Variants in ILRUN observed in about 807,000 individuals in gnomAD.
ILRUN encodes the protein protein ILRUN.
A neutral mutation model predicts 33.8 loss-of-function variants in ILRUN; 3 were observed. The ratio of observed to expected loss-of-function variants is 0.09; its 90% confidence interval spans 0.04 to 0.23. ILRUN has a LOEUF of 0.23. Ranked by LOEUF, ILRUN falls within the 10% of genes least tolerant of loss-of-function variation. ILRUN has a pLI of 1.00. For missense variants in ILRUN, 210 were observed against 375.1 expected (o/e 0.56, Z 3.64); for synonymous variants, 124 against 138.9 (o/e 0.89, Z 0.75).
chr6:34,674,040 T>A (rs895276693), intron 1 of ILRUN, among the ~76,000 whole-genome samples: 5 of 152,146 alleles, frequency 3.3e-5, no homozygotes, highest in African/African-American at 4.8e-5. Context: ...CCAAATCTTT[T>A]TTTTTGAAAC....
intron 1 of ILRUN, among the ~76,000 whole-genome samples, chr6:34,676,956 C>T (rs1763246628): frequency 6.7e-6 from 1 of 149,616 alleles, no homozygotes; most frequent in African/African-American, 2.5e-5. Context: ...TTCCGCTTCT[C>T]GGAATTTGCC....
At chr6:34,615,271 A>G (rs1270177772) in intron 3 of ILRUN, among the ~76,000 whole-genome samples, 1 of 152,234 alleles carries the variant, frequency 6.6e-6, no homozygotes, top group Admixed American at 6.5e-5. Context: ...GTACAGTATT[A>G]GAAAATCATA....
rs967368597 is a variant in ILRUN at position 34,646,757 on chromosome 6, C to T, written c.355G>A (p.Gly119Arg). ...WPPGVCLKYV[G>R]GDQFGHVNMV... The stretch of plus-strand genomic sequence containing the variant: ...TTCACATGTCCAAATTGGTCTCCCC[C>T]GACATATTTAAGACAAACCCCTGGA... Residue 119 changes from glycine to arginine, a missense_variant, in exon 3 of 5, where the codon GGG becomes AGG. Coordinates refer to ENST00000374023, the MANE Select transcript of ILRUN (RefSeq NM_024294.4). The surrounding 1 kb of genome is among the most constrained non-coding windows in gnomAD (Gnocchi z 4.9). 2 of 1,613,994 alleles carry T rather than the reference C, an allele frequency of 1.2e-6. No homozygotes were observed. The highest frequency in any genetic ancestry group is 1.7e-6 in the Non-Finnish European group (2 of 1,180,020).
intron 3 of ILRUN, among the ~76,000 whole-genome samples, chr6:34,625,281 C>T (rs951205914): frequency 2.6e-5 from 4 of 152,152 alleles, no homozygotes; most frequent in Non-Finnish European, 4.4e-5. Context: ...CTCCACCACA[C>T]GCCCTTCATG....
At chr6:34,673,951 C>A (rs1763173749) in intron 1 of ILRUN, among the ~76,000 whole-genome samples, 1 of 140,992 alleles carries the variant, frequency 7.1e-6, no homozygotes. Flanking sequence ...ACTGATTTAG[C>A]CAAATTACAA....
chr6:34,661,069 T>C (rs911927861), intron 1 of ILRUN, among the ~76,000 whole-genome samples: 2 of 152,232 alleles, frequency 1.3e-5, no homozygotes, highest in African/African-American at 4.8e-5. Context: ...TGGCTATTTA[T>C]TGATCCATTA....
intron 3 of ILRUN, among the ~76,000 whole-genome samples, chr6:34,617,452 A>T (rs936808048): frequency 6.6e-6 from 1 of 152,150 alleles, no homozygotes; most frequent in African/African-American, 2.4e-5. Flanking sequence ...TGATCTGTCT[A>T]GTCTCAACTT....
chr6:34,609,205 C>T (rs1331503843), intron 3 of ILRUN, among the ~76,000 whole-genome samples: 1 of 152,156 alleles, frequency 6.6e-6, no homozygotes, highest in African/African-American at 2.4e-5. Flanking sequence ...AGAAGGCAGC[C>T]TGGCTGGGCA....
intron 4 of ILRUN, among the ~76,000 whole-genome samples, chr6:34,597,208 A>T (rs1388818088): frequency 2.0e-5 from 3 of 152,362 alleles, no homozygotes; most frequent in African/African-American, 7.2e-5. Flanking sequence ...ATCCTAGCTG[A>T]ATCTGACTTC....
At chr6:34,635,568 G>A (rs1308416275) in intron 3 of ILRUN, among the ~76,000 whole-genome samples, 1 of 123,312 alleles carries the variant, frequency 8.1e-6, no homozygotes, top group Non-Finnish European at 1.6e-5. Context: ...AGGAAGGAAG[G>A]GAGGGAGGGA....
intron 3 of ILRUN, among the ~76,000 whole-genome samples, chr6:34,626,865 C>G (rs1047421197): frequency 2.0e-5 from 3 of 151,986 alleles, no homozygotes; most frequent in Non-Finnish European, 4.4e-5. Flanking sequence ...ATAAGCCAGG[C>G]ATGGTGGTGC....
intron 1 of ILRUN, among the ~76,000 whole-genome samples, chr6:34,688,937 G>A (rs1263600844): frequency 6.6e-6 from 1 of 152,086 alleles, no homozygotes; most frequent in East Asian, 1.9e-4. Context: ...CTCCAGCCTG[G>A]GCAACAAAAG....
Position 34,658,493 on chromosome 6 carries a change from T to TTC in ILRUN, c.159-3715_159-3714insGA, listed in dbSNP as rs1289314361. ...CAATGAAATAATTTTTCTTTTTCTT[T>TTC]TTTTTTTTTTTTTTTAAGAGTATGG... is the stretch of plus-strand genomic sequence containing the variant. On this transcript the variant is annotated intron_variant, in intron 1 of 4. Coordinates refer to ENST00000374023, the MANE Select transcript of ILRUN (RefSeq NM_024294.4). 1.4e-3 allele frequency among the ~76,000 whole-genome samples: 211 copies of TTC among 149,704 alleles called. 1 individual carries two copies. Among genetic ancestry groups the TTC allele is most frequent in the African/African-American group, 4.8e-3 (197 of 40,910 alleles).
chr6:34,614,936 T>C (rs1030546027), intron 3 of ILRUN, among the ~76,000 whole-genome samples: 5 of 152,142 alleles, frequency 3.3e-5, no homozygotes. Context: ...CAGTATTCCT[T>C]AAGACAGTCA....
chr6:34,652,716 T>C (rs1172467099), intron 2 of ILRUN, among the ~76,000 whole-genome samples: 10 of 152,186 alleles, frequency 6.6e-5, no homozygotes, highest in Non-Finnish European at 1.5e-4. Context: ...CACGTATTTT[T>C]AGCCTAGTTT....
chr6:34,683,407 CATATATATATACATATATATACAT>C (rs1763417537), intron 1 of ILRUN, among the ~76,000 whole-genome samples: 3 of 107,638 alleles, frequency 2.8e-5, no homozygotes, highest in South Asian at 2.5e-4. Flanking sequence ...CACATATATA[CATATATATATACATATATATACAT>C]ATATATATAC....
chr6:34,596,073 T>C (rs1043341002), intron 4 of ILRUN: 2 of 243,224 alleles, frequency 8.2e-6, no homozygotes, highest in Non-Finnish European at 1.3e-5. Context: ...AGAAACTGAC[T>C]AGGACCTGAT....
intron 3 of ILRUN, among the ~76,000 whole-genome samples, chr6:34,634,529 T>G (rs1270769507): frequency 3.3e-5 from 5 of 152,112 alleles, no homozygotes; most frequent in African/African-American, 1.2e-4. Context: ...AGAAGCTGAT[T>G]CTTTTCAAAG....
chr6:34,654,437 C>T (rs1762731133), intron 2 of ILRUN, among the ~76,000 whole-genome samples, 188 bp downstream of exon 2: 3 of 152,178 alleles, frequency 2.0e-5, no homozygotes, highest in Admixed American at 2.0e-4. Context: ...ATTCTTCTTC[C>T]TACTTTAGAG....
Sources: gnomAD v4.1 joint callset for allele counts (sites outside exome capture counted in the v4.1 genomes callset) on GRCh38, gnomAD v4.1.1 for gene constraint, Gnocchi (gnomAD v3.1) non-coding constraint, MANE v1.5 for transcripts, NCBI Gene and HGNC (gene_info 2026-07-23, HGNC 2026-07-21) for gene names.